KIAA1217: variants seen among roughly 807,000 people sequenced by gnomAD.
KIAA1217 encodes sickle tail protein homolog.
Under a neutral mutation model 163.9 loss-of-function variants are expected in KIAA1217, and 88 were observed. The ratio of observed to expected loss-of-function variants is 0.54; its 90% CI spans 0.45 to 0.64. The LOEUF is 0.64. Among genes scored for constraint, KIAA1217 ranks in the 30% least tolerant of loss-of-function variants. The pLI is 0.00. For missense variants in KIAA1217, 2,372 were observed against 2,475.0 expected, an observed-to-expected ratio of 0.96 and a Z score of 0.88; for synonymous variants, 903 against 923.1, an observed-to-expected ratio of 0.98 and a Z score of 0.39.
chr10:23,733,974 T>C (rs953481451), intron 1 of KIAA1217, among the ~76,000 whole-genome samples: 3 of 152,230 alleles, frequency 2.0e-5, no homozygotes, highest in African/African-American at 7.2e-5. Flanking sequence ...TGATTGTTCC[T>C]TATCATGATA....
At position 24,473,261 on chromosome 10, in the gene KIAA1217, G is replaced by A; in HGVS notation, c.880G>A (p.Gly294Ser). 6.6e-7 allele frequency: 1 copy of A among 1,517,668 alleles called. No individual in the cohort carries two copies. Among genetic ancestry groups the A allele is most frequent in the Non-Finnish European group, 8.8e-7 (1 of 1,134,100 alleles). The allele number at this position is 1,517,668 out of a possible 1,614,324, so 94.0% of individuals were successfully genotyped here. A position where few individuals can be genotyped will look rare whatever the true frequency, so the allele number is the denominator to read the frequency against. Residue 294 changes from glycine to serine, a missense_variant, in exon 6 of 21, where the codon GGC becomes AGC. By Grantham distance (56) the Gly-to-Ser change is moderately conservative (BLOSUM62 0). Coordinates refer to ENST00000376454, the MANE Select transcript of KIAA1217 (RefSeq NM_019590.5). ...QRELVYARGDGPGAPRPGSTA... is the reference protein window; with the variant it reads ...QRELVYARGDSPGAPRPGSTA... Reference sequence around the variant, plus strand: ...AGAACTTGTTTATGCAAGAGGAGATGGCCCTGGGGCCCCTCGCCCCGGATC... The same window carrying A: ...AGAACTTGTTTATGCAAGAGGAGATAGCCCTGGGGCCCCTCGCCCCGGATC...
At chr10:23,922,259 G>A (rs1158367414) in intron 1 of KIAA1217, among the ~76,000 whole-genome samples, 1 of 152,022 alleles carries the variant, frequency 6.6e-6, no homozygotes, top group East Asian at 1.9e-4. Context: ...CCCCAGAGAG[G>A]GTATAAAAAT....
intron 1 of KIAA1217, among the ~76,000 whole-genome samples, chr10:23,757,566 G>A (rs1231095404): frequency 2.0e-5 from 3 of 152,014 alleles, no homozygotes; most frequent in African/African-American, 4.8e-5. Context: ...CGCCCAGGCT[G>A]GAGTGCAGTG....
In KIAA1217 at chr10:24,483,305, A is replaced by G. The variant is rs191677268; in HGVS notation, c.1679+9245A>G. ...CCACCCACTGGGCCACTCCACCTCC[A>G]TCTCTCACCTGACTTGCTACAGTGG... is the stretch of plus-strand genomic sequence containing the variant. On this transcript the variant is annotated intron_variant, in intron 6 of 20. Coordinates refer to ENST00000376454, the MANE Select transcript of KIAA1217 (RefSeq NM_019590.5). Among the ~76,000 whole-genome samples the G allele has an allele frequency of 9.9e-5, 15 of 152,102 alleles. No individual in the cohort carries two copies. In the East Asian group the frequency reaches 2.5e-3, roughly 26 times the overall value.
chr10:23,869,064 A>T lies in KIAA1217; in HGVS notation c.-320-138161A>T, dbSNP rs185747592. On this transcript the variant is annotated intron_variant, in intron 1 of 18. Coordinates refer to the KIAA1217 transcript ENST00000376462. ...GCAATGCTAAGCACGTTTTTTTTAT[A>T]AATGTGTTTTCAGTCCAGGGTATAT... 1.3e-4 allele frequency among the ~76,000 whole-genome samples: 20 copies of T among 150,432 alleles called. No individual in the cohort carries two copies. The East Asian group carries it at 3.1e-3, about 23-fold the overall frequency.
chr10:24,303,097 G>A (rs1008579246), intron 2 of KIAA1217, among the ~76,000 whole-genome samples: 11 of 152,052 alleles, frequency 7.2e-5, no homozygotes, highest in African/African-American at 2.2e-4. Flanking sequence ...CACTGCAGCC[G>A]CAAACTCCTG....
chr10:23,885,099 T>G (rs1340825321), intron 1 of KIAA1217, among the ~76,000 whole-genome samples: 1 of 151,982 alleles, frequency 6.6e-6, no homozygotes, highest in East Asian at 1.9e-4. Flanking sequence ...AAACAGAATG[T>G]TTTTTGTGTT....
intron 2 of KIAA1217, among the ~76,000 whole-genome samples, chr10:24,047,374 A>G (rs1849110588): frequency 1.3e-5 from 2 of 152,210 alleles, no homozygotes; most frequent in South Asian, 4.1e-4. Flanking sequence ...CAAGGCAATT[A>G]TCCTTCTGGA....
intron 2 of KIAA1217, among the ~76,000 whole-genome samples, chr10:24,106,360 GAAC>G (rs1180598797): frequency 6.6e-6 from 1 of 151,936 alleles, no homozygotes; most frequent in Non-Finnish European, 1.5e-5. Context: ...GAGAGGGTAA[GAAC>G]ATCTTCTTCC....
intron 1 of KIAA1217, among the ~76,000 whole-genome samples, chr10:23,727,629 C>T (rs1033326622): frequency 2.0e-5 from 3 of 151,986 alleles, no homozygotes; most frequent in Admixed American, 6.6e-5. Flanking sequence ...ATATTTTTAA[C>T]GTTGCTTTTC....
intron 9 of KIAA1217, among the ~76,000 whole-genome samples, chr10:24,502,000 C>A (rs922737487): frequency 4.0e-4 from 61 of 152,052 alleles, no homozygotes; most frequent in African/African-American, 1.4e-3. Flanking sequence ...CCACCTGCCT[C>A]GGCCTCCCAA....
At chr10:24,521,026 TAAAA>T (rs1176247725) in intron 11 of KIAA1217, among the ~76,000 whole-genome samples, 1 of 88,836 alleles carries the variant, frequency 1.1e-5, no homozygotes, top group Non-Finnish European at 2.4e-5. Flanking sequence ...ACCCCATCTC[TAAAA>T]AAAAAAAAAA....
At chr10:24,056,515 C>A (rs962205033) in intron 2 of KIAA1217, among the ~76,000 whole-genome samples, 4 of 151,506 alleles carry the variant, frequency 2.6e-5, no homozygotes, top group African/African-American at 9.7e-5. Context: ...TATTATCATA[C>A]GACAGGAAAA....
Position 24,520,242 on chromosome 10 carries a change from C to T in KIAA1217, c.2297C>T (p.Ala766Val), listed in dbSNP as rs745430561. The change falls in exon 11 of 21, where the codon GCT (alanine) becomes GTT (valine). Residue 766 changes from alanine (A) to valine (V), a missense_variant. Transcript: ENST00000376454. ...CTGCGTCAAGTGGGAGAGGCTGTAGCTACCCTGAAAGGTAAACTTTCTGCT... is the reference window on the plus strand; with the variant it reads ...CTGCGTCAAGTGGGAGAGGCTGTAGTTACCCTGAAAGGTAAACTTTCTGCT... ...FLLRQVGEAVATLKGEFPTLQ... is the reference protein window; with the variant it reads ...FLLRQVGEAVVTLKGEFPTLQ... 44 of 1,613,990 alleles carry T rather than the reference C, an allele frequency of 2.7e-5. No homozygotes were observed. Among genetic ancestry groups the T allele is most frequent in the Non-Finnish European group, 3.5e-5 (41 of 1,179,982 alleles).
intron 5 of KIAA1217, among the ~76,000 whole-genome samples, chr10:24,470,780 C>T (rs769169376): frequency 7.2e-5 from 11 of 152,154 alleles, no homozygotes; most frequent in Non-Finnish European, 1.3e-4. Context: ...TACATATTAG[C>T]ACCTTATTTG....
intron 1 of KIAA1217, among the ~76,000 whole-genome samples, chr10:23,908,633 T>A (rs938709118): frequency 1.6e-4 from 24 of 152,130 alleles, no homozygotes; most frequent in African/African-American, 5.3e-4. Context: ...CAGCAGGACA[T>A]CTCCCCTGAG....
chr10:24,034,174 C>A (rs2131543396), intron 2 of KIAA1217, among the ~76,000 whole-genome samples: 1 of 152,288 alleles, frequency 6.6e-6, no homozygotes, highest in African/African-American at 2.4e-5. Flanking sequence ...GCCACAACAC[C>A]TTTTTCAAAG....
chr10:24,030,139 T>A (rs1011523958), intron 2 of KIAA1217, among the ~76,000 whole-genome samples: 9 of 152,350 alleles, frequency 5.9e-5, no homozygotes, highest in African/African-American at 1.4e-4. Flanking sequence ...ATCATTGTGA[T>A]AAAATAGGCA....
chr10:24,044,982 T>C (rs1242787925), intron 2 of KIAA1217, among the ~76,000 whole-genome samples: 1 of 152,174 alleles, frequency 6.6e-6, no homozygotes, highest in Non-Finnish European at 1.5e-5. Context: ...TTACTTTCTT[T>C]TATTATTTTG....
Sources: allele counts gnomAD v4.1 joint callset (sites outside exome capture counted in the v4.1 genomes callset), GRCh38; gene constraint gnomAD v4.1.1; transcripts MANE v1.5; gene names NCBI Gene and HGNC (gene_info 2026-07-23, HGNC 2026-07-21).